CAPN14: variants seen among roughly 807,000 people sequenced by gnomAD.
CAPN14 encodes calpain-14.
A neutral mutation model predicts 101.3 loss-of-function variants in CAPN14; 94 were observed. That is an observed-to-expected ratio of 0.93 (90% confidence interval 0.79 to 1.10). The LOEUF (loss-of-function observed/expected upper bound fraction) is 1.10. Ranked by LOEUF, CAPN14 falls within the 50% of genes least tolerant of loss-of-function variation. CAPN14 has a pLI of 0.00. For synonymous variants in CAPN14, 338 were observed against 317.9 expected (o/e 1.06, Z -0.67); for missense variants, 837 against 828.4 (o/e 1.01, Z -0.13).
intron 1 of CAPN14, among the ~76,000 whole-genome samples, chr2:31,216,546 G>A (rs900759251): frequency 6.6e-6 from 1 of 152,108 alleles, no homozygotes; most frequent in Admixed American, 6.5e-5. Context: ...TCTTCAGCAT[G>A]AGGTGCCCAC....
chr2:31,223,738 C>T (rs1167922065), intron 2 of CAPN14, among the ~76,000 whole-genome samples: 2 of 151,972 alleles, frequency 1.3e-5, no homozygotes, highest in Non-Finnish European at 2.9e-5. Flanking sequence ...CTATGTTGGC[C>T]AGGCTGGTCT....
intron 1 of CAPN14, among the ~76,000 whole-genome samples, chr2:31,209,094 C>T (rs924525856): frequency 1.3e-5 from 2 of 151,388 alleles, no homozygotes; most frequent in Non-Finnish European, 2.9e-5. Context: ...CTCAACCTCT[C>T]ATGTAGTTAG....
chr2:31,191,824 G>A, intron 11 of CAPN14, 111 bp downstream of exon 11: 1 of 1,097,508 alleles, frequency 9.1e-7, no homozygotes. Flanking sequence ...TGAAAACCCA[G>A]GTCTGTGAAC....
At position 31,203,829 on chromosome 2, in the gene CAPN14, GCACAGGCTTA is replaced by G. The variant is rs574662453; in HGVS notation, c.226-700_226-691del. 3.7e-3 allele frequency among the ~76,000 whole-genome samples: 561 copies of G among 152,238 alleles called. 8 individuals carry two copies. The highest frequency in any genetic ancestry group is 0.037 in the South Asian group (177 of 4,822). On this transcript the variant is annotated intron_variant, in intron 2 of 21. Transcript: ENST00000403897. ...AGGGAAGAGAAAAGGAAAGTCTGTG[GCACAGGCTTA>G]CACTTTACCCTGTTCACTAGCTGTG... is the stretch of plus-strand genomic sequence containing the variant.
chr2:31,231,050 C>T (rs12613524), intron 1 of CAPN14, among the ~76,000 whole-genome samples: 3,908 of 152,268 alleles, frequency 0.026, 120 homozygotes, highest in African/African-American at 0.072. Context: ...TAGGGCAAGT[C>T]CTCTTCGCTT....
Position 31,177,060 on chromosome 2 carries a change from G to A in CAPN14, c.1938C>T (p.Phe646=), listed in dbSNP as rs774724581. 3.9e-6 allele frequency: 6 copies of A among 1,551,368 alleles called. No individual in the cohort carries two copies. In the African/African-American group the frequency reaches 5.5e-5, roughly 14 times the overall value. ...GPRLQMDFVS[F]IHLMLRVENM... ...TCTCTACACGCAGCATCAAGTGGAT[G>A]AAACTGACAAAGTCCATCTGGAGGC... The change falls in exon 20 of 22, where the codon TTC becomes TTT. Residue 646 remains phenylalanine, a synonymous_variant. Coordinates refer to ENST00000403897, the MANE Select transcript of CAPN14 (RefSeq NM_001145122.2).
In CAPN14 at chr2:31,192,063, C is replaced by A. The variant is rs753433120; in HGVS notation, c.1150G>T (p.Val384Phe). Residue 384 changes from valine (V) to phenylalanine (F), a missense_variant, in exon 11 of 22, where the codon GTC becomes TTC. Coordinates refer to ENST00000403897, the MANE Select transcript of CAPN14 (RefSeq NM_001145122.2). Reference protein sequence around the residue: ...FWKNPQFLLSVWRPEEGRRSL... With the variant: ...FWKNPQFLLSFWRPEEGRRSL... ...CTCCTGCCCTCCTCGGGCCTCCAGA[C>A]AGACAGCAGGAACTGCGGGTTCTTC... The A allele has an allele frequency of 6.4e-7, 1 of 1,551,056 alleles. No homozygotes were observed. Among genetic ancestry groups the A allele is most frequent in the South Asian group, 1.2e-5 (1 of 84,006 alleles).
At chr2:31,181,072 G>A in intron 16 of CAPN14, 72 bp from the exon 17 acceptor site, 2 of 1,306,658 alleles carry the variant, frequency 1.5e-6, no homozygotes, top group Non-Finnish European at 2.2e-6. Flanking sequence ...AGCAGGAAGA[G>A]GCAGTGCTGC....
At chr2:31,210,674 A>G (rs1327966571) in intron 1 of CAPN14, among the ~76,000 whole-genome samples, 4 of 152,196 alleles carry the variant, frequency 2.6e-5, no homozygotes, top group Non-Finnish European at 4.4e-5. Flanking sequence ...CTACTCAATG[A>G]TAGTCATAGT....
rs79904293 is a variant in CAPN14 at position 31,227,340 on chromosome 2, C to T, written c.-176-689G>A. Among the ~76,000 whole-genome samples, 1,178 of 152,210 alleles carry T rather than the reference C, an allele frequency of 7.7e-3. 22 individuals carry two copies. Among genetic ancestry groups the T allele is most frequent in the African/African-American group, 0.026 (1,063 of 41,536 alleles). On this transcript the variant is annotated intron_variant and NMD_transcript_variant, in intron 1 of 21. Coordinates refer to the CAPN14 transcript ENST00000398824. ...TCCAGCAATTAAGTAGCTGTGGTAC[C>T]GATGGTATGAATGGGGAGTGTTATT...
At chr2:31,184,227 A>G (rs1035630993) in intron 16 of CAPN14, among the ~76,000 whole-genome samples, 6 of 152,162 alleles carry the variant, frequency 3.9e-5, no homozygotes, top group African/African-American at 1.4e-4. Context: ...ACAGGTGCTC[A>G]CTTTTTCACA....
chr2:31,199,388 A>T (rs985416044), intron 7 of CAPN14, 82 bp downstream of exon 7: 49 of 1,219,046 alleles, frequency 4.0e-5, no homozygotes, highest in Non-Finnish European at 5.4e-5. Flanking sequence ...TGGTACAGAA[A>T]CTAAATCCAC....
intron 7 of CAPN14, among the ~76,000 whole-genome samples, chr2:31,198,202 T>G (rs1681566294): frequency 6.6e-6 from 1 of 152,186 alleles, no homozygotes; most frequent in Non-Finnish European, 1.5e-5. Flanking sequence ...TAACAGAAAC[T>G]TGAAAGAATG....
intron 5 of CAPN14, 67 bp downstream of exon 5, chr2:31,201,795 C>A (rs1264736547): frequency 1.4e-5 from 21 of 1,520,512 alleles, no homozygotes; most frequent in Non-Finnish European, 1.9e-5. Flanking sequence ...ACTCCACTCC[C>A]CTCCCTCAAC....
chr2:31,200,869 T>G lies in CAPN14; in HGVS notation c.552-244A>C, dbSNP rs139221069. Among the ~76,000 whole-genome samples the G allele has an allele frequency of 1.6e-4, 25 of 152,228 alleles. No homozygotes were observed. The East Asian group carries it at 4.7e-3, about 28-fold the overall frequency. On this transcript the variant is annotated intron_variant, in intron 5 of 21. Transcript: ENST00000403897. ...CTGGGAACCCCTCTTTCCCACCACT[T>G]CCTTTAAATGGACCATTCAGACGTT...
At chr2:31,214,879 T>C (rs543367446) in intron 1 of CAPN14, among the ~76,000 whole-genome samples, 49 of 152,178 alleles carry the variant, frequency 3.2e-4, no homozygotes, top group Non-Finnish European at 5.4e-4. Context: ...AGGAACTTAG[T>C]GGTCATCCAA....
intron 6 of CAPN14, among the ~76,000 whole-genome samples, chr2:31,200,025 C>A (rs181029484): frequency 6.6e-6 from 1 of 152,078 alleles, no homozygotes; most frequent in Non-Finnish European, 1.5e-5. Flanking sequence ...CTTTTTAAAA[C>A]GGAATCTCTC....
chr2:31,203,208 G>A (rs567096409), intron 2 of CAPN14, 69 bp from the exon 3 acceptor site: 59 of 1,260,324 alleles, frequency 4.7e-5, no homozygotes, highest in South Asian at 3.0e-4. Flanking sequence ...CAGTGACCAC[G>A]TTTTCCCATA....
At chr2:31,192,585 C>T (rs189768120) in intron 10 of CAPN14, among the ~76,000 whole-genome samples, 68 of 152,286 alleles carry the variant, frequency 4.5e-4, no homozygotes, top group African/African-American at 1.5e-3. Flanking sequence ...AAAGGGATGG[C>T]TCACTATCTC....
Sources: allele counts gnomAD v4.1 joint callset (sites outside exome capture counted in the v4.1 genomes callset), GRCh38; gene constraint gnomAD v4.1.1; transcripts MANE v1.5; gene names NCBI Gene and HGNC (gene_info 2026-07-23, HGNC 2026-07-21).